The following ATXN7L1 variants were observed in gnomAD, a reference collection of about 807,000 sequenced individuals.
ATXN7L1 encodes ataxin-7-like protein 1.
Under a neutral mutation model 70.8 loss-of-function variants are expected in ATXN7L1, and 15 were observed. That is an observed-to-expected ratio of 0.21 (90% CI 0.14 to 0.33). The LOEUF (loss-of-function observed/expected upper bound fraction) is 0.33, where lower values mean the gene tolerates loss of function less well. Among genes scored for constraint, ATXN7L1 ranks in the 10% least tolerant of loss-of-function variants. The pLI, the probability that ATXN7L1 is intolerant of heterozygous loss-of-function variation, is 1.00. For missense variants in ATXN7L1, 975 were observed against 1,097.1 expected (o/e 0.89, Z 1.57); for synonymous variants, 440 against 445.1 (o/e 0.99, Z 0.14).
At chr7:105,813,617 A>G (rs1808762922) in intron 2 of ATXN7L1, among the ~76,000 whole-genome samples, 1 of 152,158 alleles carries the variant, frequency 6.6e-6, no homozygotes. Context: ...GATTACAGGC[A>G]TGAGCCACTG....
chr7:105,829,259 T>A (rs1811270616), intron 2 of ATXN7L1, among the ~76,000 whole-genome samples: 1 of 145,740 alleles, frequency 6.9e-6, no homozygotes, highest in African/African-American at 2.5e-5. Context: ...CCATCTCTAC[T>A]AAAAATACAA....
At chr7:105,761,554 A>G (rs1319283925) in intron 3 of ATXN7L1, 26 of 1,514,824 alleles carry the variant, frequency 1.7e-5, no homozygotes, top group Non-Finnish European at 2.3e-5. Flanking sequence ...ACTCATGCCA[A>G]TTGCCATGTT....
At chr7:105,791,613 C>T (rs574072789) in intron 2 of ATXN7L1, among the ~76,000 whole-genome samples, 86 of 151,982 alleles carry the variant, frequency 5.7e-4, no homozygotes, top group Admixed American at 1.8e-3. Flanking sequence ...CCAAGTTCTC[C>T]GAAGATACAT....
At chr7:105,636,669 C>G (rs601729) in intron 7 of ATXN7L1, among the ~76,000 whole-genome samples, 6,745 of 152,168 alleles carry the variant, frequency 0.044, 239 homozygotes, top group East Asian at 0.21. Flanking sequence ...GGCCAGGTAC[C>G]ACTGCTTGGT....
At chr7:105,699,428 G>A (rs751014925) in intron 3 of ATXN7L1, among the ~76,000 whole-genome samples, 2 of 152,074 alleles carry the variant, frequency 1.3e-5, no homozygotes, top group Admixed American at 6.6e-5. Flanking sequence ...CATCATGCTC[G>A]GCCATTCCAC....
At chr7:105,717,534 T>C (rs1794715034) in intron 3 of ATXN7L1, among the ~76,000 whole-genome samples, 1 of 152,236 alleles carries the variant, frequency 6.6e-6, no homozygotes, top group South Asian at 2.1e-4. Context: ...GGAGTGGATA[T>C]CCCTTAAAGG....
chr7:105,682,611 G>A (rs143345447), intron 3 of ATXN7L1, among the ~76,000 whole-genome samples: 115 of 152,294 alleles, frequency 7.6e-4, no homozygotes, highest in African/African-American at 2.6e-3. Context: ...AAGAAGGAAT[G>A]AAGCATGATA....
intron 2 of ATXN7L1, among the ~76,000 whole-genome samples, chr7:105,841,670 T>C (rs1813228670): frequency 1.3e-5 from 2 of 152,172 alleles, no homozygotes; most frequent in Non-Finnish European, 2.9e-5. Context: ...TCCTGAACAA[T>C]GGCCCCAAAG....
chr7:105,688,344 C>T (rs1260235605), intron 3 of ATXN7L1, among the ~76,000 whole-genome samples: 1 of 152,168 alleles, frequency 6.6e-6, no homozygotes, highest in East Asian at 1.9e-4. Context: ...GAGTTTGAGA[C>T]CAGCCTGGGC....
intron 3 of ATXN7L1, 73 bp downstream of exon 3, chr7:105,788,531 G>A (rs961356622): frequency 3.2e-6 from 4 of 1,230,966 alleles, no homozygotes; most frequent in Admixed American, 3.4e-5. Context: ...ACCCTGTCGG[G>A]GAGCCCAGGG....
intron 3 of ATXN7L1, among the ~76,000 whole-genome samples, chr7:105,731,758 G>GAAAAGAAAAGAAAAGAGAAAAGAAA (rs1796575613): frequency 7.0e-6 from 1 of 142,992 alleles, no homozygotes. Flanking sequence ...AAAAAGAAAA[G>GAAAAGAAAAGAAAAGAGAAAAGAAA]AAAAGAAAAG....
intron 2 of ATXN7L1, among the ~76,000 whole-genome samples, chr7:105,863,630 A>T (rs1816960788): frequency 6.6e-6 from 1 of 152,158 alleles, no homozygotes; most frequent in Non-Finnish European, 1.5e-5. Context: ...AGTCTCTGGA[A>T]TCAGCCTGCC....
intron 2 of ATXN7L1, among the ~76,000 whole-genome samples, chr7:105,868,431 G>A (rs568685446): frequency 1.1e-4 from 17 of 152,264 alleles, no homozygotes; most frequent in Middle Eastern, 3.4e-3. Flanking sequence ...ACAGTTGAGC[G>A]TATTAAAAAC....
At chr7:105,700,836 C>T (rs765703652) in intron 3 of ATXN7L1, among the ~76,000 whole-genome samples, 4 of 152,078 alleles carry the variant, frequency 2.6e-5, no homozygotes, top group Non-Finnish European at 4.4e-5. Flanking sequence ...CGCACACTAC[C>T]GCGCCTGCCT....
At chr7:105,667,513 A>C (rs1219561482) in intron 3 of ATXN7L1, among the ~76,000 whole-genome samples, 3 of 138,732 alleles carry the variant, frequency 2.2e-5, no homozygotes, top group South Asian at 2.9e-4. Context: ...TCCCGGCTAA[A>C]ATGGTGAAAC....
At chr7:105,620,122 A>C in intron 9 of ATXN7L1, 78 bp downstream of exon 9, 1 of 1,500,810 alleles carries the variant, frequency 6.7e-7, no homozygotes, top group Non-Finnish European at 9.0e-7. Context: ...TCAGCCACTG[A>C]CATTTATTTA....
At chr7:105,613,194 C>T (rs1356380234) in intron 10 of ATXN7L1, among the ~76,000 whole-genome samples, 4 of 152,220 alleles carry the variant, frequency 2.6e-5, no homozygotes, top group Admixed American at 6.5e-5. Context: ...TCCCAGACTG[C>T]GCCACACTCT....
intron 3 of ATXN7L1, among the ~76,000 whole-genome samples, chr7:105,666,897 T>G (rs981491722): frequency 6.6e-6 from 1 of 152,210 alleles, no homozygotes; most frequent in African/African-American, 2.4e-5. Flanking sequence ...ATTAGGCTCG[T>G]GGCCTTCAGT....
At chr7:105,761,226 C>T in intron 3 of ATXN7L1, 2 of 1,473,102 alleles carry the variant, frequency 1.4e-6, no homozygotes, top group Non-Finnish European at 1.8e-6. Context: ...TAGATCCTGA[C>T]ACCAGAGTGT....
Sources: gnomAD v4.1 joint callset for allele counts (sites outside exome capture counted in the v4.1 genomes callset) on GRCh38, gnomAD v4.1.1 for gene constraint, MANE v1.5 for transcripts, NCBI Gene and HGNC (gene_info 2026-07-23, HGNC 2026-07-21) for gene names.